The following HEATR4 variants were observed in gnomAD, a reference collection of about 807,000 sequenced individuals.
The protein encoded by HEATR4 is HEAT repeat containing 4.
In HEATR4, 95 loss-of-function variants were observed where a neutral mutation model predicts 108.8. The observed-to-expected ratio is 0.87, with a 90% CI of 0.74 to 1.04. The LOEUF is 1.04. Among genes scored for constraint, HEATR4 ranks in the 50% least tolerant of loss-of-function variants. The pLI is 0.00. For missense variants in HEATR4, 1,152 were observed against 1,253.8 expected (o/e 0.92, Z 1.23); for synonymous variants, 443 against 459.4 (o/e 0.96, Z 0.46).
At chr14:73,608,297 T>C in the HEATR4 span, among the ~76,000 whole-genome samples, 454 of 152,360 alleles carry the variant, frequency 3.0e-3, 2 homozygotes, top group Non-Finnish European at 4.8e-3. Flanking sequence ...TCTTGAACGC[T>C]TTGCTGCTTA....
rs766113540 is a variant in HEATR4 at position 73,519,097 on chromosome 14, C to T, written c.1136G>A (p.Arg379Gln). The stretch of plus-strand genomic sequence containing the variant: ...GACCTTAGATAGCTGCTTGTTGTAC[C>T]GATTTAGGTTTTCCAGGACAATCTG... ...RDQIVLENLNRYNKQLSKVFP... is the reference protein window; with the variant it reads ...RDQIVLENLNQYNKQLSKVFP... Residue 379 changes from arginine to glutamine, a missense_variant, in exon 5 of 18, where the codon CGG becomes CAG. Coordinates refer to ENST00000553558, the MANE Select transcript of HEATR4 (RefSeq NM_001220484.1). The T allele has an allele frequency of 6.3e-5, 102 of 1,613,804 alleles. No homozygotes were observed. Among genetic ancestry groups the T allele is most frequent in the South Asian group, 1.1e-4 (10 of 91,056 alleles).
the HEATR4 span, among the ~76,000 whole-genome samples, chr14:73,623,250 C>T: frequency 6.6e-6 from 1 of 152,138 alleles, no homozygotes; most frequent in Non-Finnish European, 1.5e-5. Context: ...TAATTAGTTA[C>T]ACAAAATTTA....
chr14:73,496,953 C>T (rs148013013), intron 14 of HEATR4, among the ~76,000 whole-genome samples: 382 of 152,300 alleles, frequency 2.5e-3, no homozygotes, highest in Non-Finnish European at 3.8e-3. Context: ...TGCAATGGCA[C>T]GATCTCGTCT....
At chr14:73,612,693 A>C in the HEATR4 span, 1 of 1,405,484 alleles carries the variant, frequency 7.1e-7, no homozygotes, top group Non-Finnish European at 9.2e-7. Context: ...CTGCGCGACG[A>C]AGAGGGCGCG....
At chr14:73,567,164 T>G in the HEATR4 span, among the ~76,000 whole-genome samples, 1 of 152,068 alleles carries the variant, frequency 6.6e-6, no homozygotes, top group African/African-American at 2.4e-5. Flanking sequence ...GCGAAACTCC[T>G]GGCCTTAAGC....
At chr14:73,610,110 C>T in the HEATR4 span, among the ~76,000 whole-genome samples, 1 of 151,782 alleles carries the variant, frequency 6.6e-6, no homozygotes, top group Admixed American at 6.6e-5. Flanking sequence ...AGAGTGGCTA[C>T]CTAAAGAATC....
the HEATR4 span, chr14:73,575,180 G>C: frequency 1.4e-5 from 16 of 1,117,276 alleles, 1 homozygote; most frequent in South Asian, 2.4e-4. Context: ...TCATTCCTGT[G>C]GAAAGGGCAG....
the HEATR4 span, chr14:73,568,991 TGC>T: frequency 1.9e-6 from 1 of 532,184 alleles, no homozygotes; most frequent in Non-Finnish European, 3.3e-6. Context: ...GCCTGGAGAC[TGC>T]TAGCTGCCTG....
At chr14:73,593,944 A>G in the HEATR4 span, 2 of 1,544,312 alleles carry the variant, frequency 1.3e-6, no homozygotes, top group Admixed American at 1.8e-5. Flanking sequence ...CTCTCTAGAA[A>G]TATTTCCATA....
intron 17 of HEATR4, among the ~76,000 whole-genome samples, chr14:73,485,846 G>T (rs1885429966): frequency 6.7e-6 from 1 of 149,162 alleles, no homozygotes; most frequent in Admixed American, 6.8e-5. Context: ...TTCAGGCTAG[G>T]TGACAAAGCA....
chr14:73,496,221 G>A (rs1886098598), intron 15 of HEATR4, among the ~76,000 whole-genome samples: 1 of 152,178 alleles, frequency 6.6e-6, no homozygotes, highest in Non-Finnish European at 1.5e-5. Flanking sequence ...GAAAAATTAA[G>A]AAGAAAATCT....
chr14:73,484,389 T>TTGTA (rs892247407), intron 17 of HEATR4, among the ~76,000 whole-genome samples: 2 of 152,026 alleles, frequency 1.3e-5, no homozygotes, highest in Non-Finnish European at 2.9e-5. Flanking sequence ...GTTTGTTTGT[T>TTGTA]TGTCATTGAG....
the HEATR4 span, chr14:73,592,219 A>G: frequency 6.2e-7 from 1 of 1,612,982 alleles, no homozygotes; most frequent in South Asian, 1.1e-5. Context: ...CTGGAACCCG[A>G]GAAGCCTTTT....
chr14:73,602,270 A>T, the HEATR4 span, among the ~76,000 whole-genome samples: 9 of 152,286 alleles, frequency 5.9e-5, no homozygotes, highest in Non-Finnish European at 1.2e-4. Context: ...GGAGCCAAAA[A>T]GGTCAAAGGG....
At chr14:73,518,790 A>T (rs1887792251) in intron 5 of HEATR4, among the ~76,000 whole-genome samples, 1 of 152,166 alleles carries the variant, frequency 6.6e-6, no homozygotes, top group South Asian at 2.1e-4. Context: ...GGTTATACCT[A>T]AGTTATATCA....
chr14:73,608,078 C>T, the HEATR4 span, among the ~76,000 whole-genome samples: 3 of 152,186 alleles, frequency 2.0e-5, no homozygotes, highest in South Asian at 6.2e-4. Context: ...GCGCCTGCCA[C>T]TGTGCCTGCC....
intron 2 of HEATR4, among the ~76,000 whole-genome samples, chr14:73,525,500 T>C (rs1400463126): frequency 6.6e-6 from 1 of 152,130 alleles, no homozygotes; most frequent in Admixed American, 6.5e-5. Flanking sequence ...TGAAGGCAAG[T>C]TAAGAGAAAG....
At chr14:73,623,982 G>T in the HEATR4 span, among the ~76,000 whole-genome samples, 2 of 151,918 alleles carry the variant, frequency 1.3e-5, no homozygotes, top group African/African-American at 4.8e-5. Context: ...CTGCAGAACC[G>T]TGAGCCAAAT....
chr14:73,599,601 A>G, the HEATR4 span, among the ~76,000 whole-genome samples: 1 of 152,174 alleles, frequency 6.6e-6, no homozygotes, highest in Non-Finnish European at 1.5e-5. Context: ...CCTCCCTGCC[A>G]TAAAAGTAGA....
Sources: gnomAD v4.1 joint callset for allele counts (sites outside exome capture counted in the v4.1 genomes callset) on GRCh38, gnomAD v4.1.1 for gene constraint, MANE v1.5 for transcripts, NCBI Gene and HGNC (gene_info 2026-07-23, HGNC 2026-07-21) for gene names.